KLHL1: variants seen among roughly 807,000 people sequenced by gnomAD.
The protein encoded by KLHL1 is kelch like family member 1.
A neutral mutation model predicts 77.7 loss-of-function variants in KLHL1; 47 were observed. The ratio of observed to expected loss-of-function variants is 0.60; its 90% CI spans 0.48 to 0.77. The LOEUF (loss-of-function observed/expected upper bound fraction) is 0.77, where lower values mean the gene tolerates loss of function less well. Ranked by LOEUF, KLHL1 falls within the 30% of genes least tolerant of loss-of-function variation. The probability of loss-of-function intolerance (pLI) is 0.00; values close to 1 mark genes in which losing one functional copy is unlikely to be tolerated. For synonymous variants in KLHL1, 360 were observed against 325.2 expected (o/e 1.11, Z -1.15); for missense variants, 925 against 910.8 (o/e 1.02, Z -0.20).
chr13:70,027,476 A>C (rs919369967), intron 1 of KLHL1, among the ~76,000 whole-genome samples: 7 of 152,028 alleles, frequency 4.6e-5, no homozygotes, highest in East Asian at 1.9e-4. Flanking sequence ...CAAGATATGA[A>C]TACAAATATA....
At chr13:69,769,626 A>T (rs537295244) in intron 7 of KLHL1, among the ~76,000 whole-genome samples, 1 of 152,112 alleles carries the variant, frequency 6.6e-6, no homozygotes, top group Non-Finnish European at 1.5e-5. Context: ...TGCCTTTTCC[A>T]AGGCTACCTG....
At chr13:69,874,188 C>T (rs1365509617) in intron 5 of KLHL1, among the ~76,000 whole-genome samples, 1 of 151,926 alleles carries the variant, frequency 6.6e-6, no homozygotes, top group Non-Finnish European at 1.5e-5. Flanking sequence ...TAGTGTTTTC[C>T]CTCTCACAGT....
intron 5 of KLHL1, among the ~76,000 whole-genome samples, chr13:69,843,354 G>C (rs2911503): frequency 0.96 from 146,107 of 151,732 alleles, 70,598 homozygotes; most frequent in East Asian, 1. Flanking sequence ...AAAAGTGAAT[G>C]CAAGAGTTTG....
At chr13:69,919,550 T>TTTTG (rs138671547) in intron 4 of KLHL1, among the ~76,000 whole-genome samples, 13,277 of 152,190 alleles carry the variant, frequency 0.087, 649 homozygotes, top group African/African-American at 0.12. Flanking sequence ...GGTACATTAA[T>TTTTG]GACACCAATT....
chr13:70,095,183 A>G (rs1752593456), intron 1 of KLHL1, among the ~76,000 whole-genome samples: 1 of 152,142 alleles, frequency 6.6e-6, no homozygotes, highest in South Asian at 2.1e-4. Context: ...ATCTAAGTGA[A>G]ATTTGGGAAA....
At chr13:70,007,871 T>C (rs1885442227) in intron 1 of KLHL1, among the ~76,000 whole-genome samples, 1 of 151,916 alleles carries the variant, frequency 6.6e-6, no homozygotes, top group South Asian at 2.1e-4. Flanking sequence ...CTAAGACATA[T>C]TTTTTGCACT....
intron 1 of KLHL1, among the ~76,000 whole-genome samples, chr13:70,009,211 C>G (rs983349235): frequency 6.6e-6 from 1 of 151,970 alleles, no homozygotes; most frequent in Non-Finnish European, 1.5e-5. Context: ...ACAACAGTGT[C>G]GTAGTGCTTT....
intron 2 of KLHL1, 66 bp downstream of exon 2, chr13:69,975,553 TC>T: frequency 7.5e-7 from 1 of 1,335,120 alleles, no homozygotes; most frequent in South Asian, 1.4e-5. Flanking sequence ...TATTCTGCAA[TC>T]TGCATGCCAG....
intron 5 of KLHL1, among the ~76,000 whole-genome samples, chr13:69,874,495 A>G (rs192286341): frequency 5.5e-4 from 83 of 152,262 alleles, no homozygotes; most frequent in African/African-American, 2.0e-3. Context: ...TCTTAAAATC[A>G]CTGGAAAAGG....
At chr13:69,814,211 C>T (rs571348631) in intron 6 of KLHL1, among the ~76,000 whole-genome samples, 2 of 152,060 alleles carry the variant, frequency 1.3e-5, no homozygotes, top group African/African-American at 4.8e-5. Flanking sequence ...AATGAAACTG[C>T]ACTCCTACCT....
At chr13:69,911,385 A>G (rs539340020) in intron 4 of KLHL1, among the ~76,000 whole-genome samples, 37 of 151,960 alleles carry the variant, frequency 2.4e-4, no homozygotes, top group Non-Finnish European at 4.3e-4. Context: ...AAAAATTTTG[A>G]CCCTCTGGCT....
intron 1 of KLHL1, among the ~76,000 whole-genome samples, chr13:70,019,778 A>T (rs1004707407): frequency 6.6e-6 from 1 of 152,178 alleles, no homozygotes; most frequent in African/African-American, 2.4e-5. Context: ...TTAACGATTT[A>T]AATGGTGTTA....
intron 6 of KLHL1, among the ~76,000 whole-genome samples, chr13:69,813,727 A>C (rs1317709979): frequency 6.6e-6 from 1 of 152,178 alleles, no homozygotes; most frequent in Non-Finnish European, 1.5e-5. Flanking sequence ...ACTACAAAGC[A>C]CTGCTGAAAG....
chr13:69,955,952 ATATT>A (rs1254336812), intron 3 of KLHL1, among the ~76,000 whole-genome samples: 1 of 130,106 alleles, frequency 7.7e-6, no homozygotes, highest in Non-Finnish European at 1.6e-5. Context: ...ATTTATATAT[ATATT>A]TGATATTTAT....
intron 2 of KLHL1, among the ~76,000 whole-genome samples, chr13:69,970,496 T>A (rs1399448259): frequency 6.6e-6 from 1 of 152,112 alleles, no homozygotes; most frequent in African/African-American, 2.4e-5. Context: ...CCAGGGGCAG[T>A]GATGTTAGTA....
Position 70,107,191 on chromosome 13 carries a change from G to T in KLHL1, c.497+12C>A. The T allele has an allele frequency of 1.3e-6, 2 of 1,581,666 alleles. No homozygotes were observed. The highest frequency in any genetic ancestry group is 1.7e-6 in the Non-Finnish European group (2 of 1,162,672). On this transcript the variant is annotated intron_variant, in intron 1 of 10. Transcript: ENST00000377844. ...GAGAGATGCTTGGAAGCCCCGTGGG[G>T]ACTTACTGTACCTGTGTCCACATCC... is the stretch of plus-strand genomic sequence containing the variant.
chr13:70,008,549 A>T (rs1453583253), intron 1 of KLHL1, among the ~76,000 whole-genome samples: 1 of 152,104 alleles, frequency 6.6e-6, no homozygotes, highest in Admixed American at 6.6e-5. Flanking sequence ...AAAAGCTATT[A>T]GGACAGTAAT....
At chr13:70,080,616 G>A (rs905807516) in intron 1 of KLHL1, among the ~76,000 whole-genome samples, 2 of 151,762 alleles carry the variant, frequency 1.3e-5, no homozygotes, top group East Asian at 1.9e-4. Context: ...TATCATTTTT[G>A]AGAGGGAGGC....
At chr13:69,983,606 G>GAA (rs57184525) in intron 1 of KLHL1, among the ~76,000 whole-genome samples, 1 of 99,044 alleles carries the variant, frequency 1.0e-5, no homozygotes, top group Non-Finnish European at 2.0e-5. Flanking sequence ...AAGAAGAAGA[G>GAA]AAAAAAAAAA....
Sources: gnomAD v4.1 joint callset for allele counts (sites outside exome capture counted in the v4.1 genomes callset) on GRCh38, gnomAD v4.1.1 for gene constraint, MANE v1.5 for transcripts, NCBI Gene and HGNC (gene_info 2026-07-23, HGNC 2026-07-21) for gene names.